Variants in PLOD1 observed in about 807,000 individuals in gnomAD.
PLOD1 encodes lysine hydroxylase.
In PLOD1, 70 loss-of-function variants were observed where a neutral mutation model predicts 94.7. The ratio of observed to expected loss-of-function variants is 0.74; its 90% CI spans 0.61 to 0.90. PLOD1 has a LOEUF of 0.90. Ranked by LOEUF, PLOD1 falls within the 40% of genes least tolerant of loss-of-function variation. The pLI is 0.00. For missense variants in PLOD1, 905 were observed against 972.7 expected (o/e 0.93, Z 0.93); for synonymous variants, 417 against 400.2 (o/e 1.04, Z -0.50).
At position 11,949,868 on chromosome 1, in the gene PLOD1, C is replaced by T. The variant is rs1195340585; in HGVS notation, c.264C>T (p.His88=). Residue 88 remains histidine (H), a synonymous_variant, in exon 3 of 19, where the codon CAC becomes CAT. Transcript: ENST00000196061. Reference sequence around the variant, plus strand: ...TGCTGAAGAAAGCTCTGGAGAAGCACGCAGACAAGGAGGATCTGGTCATTC... The same window carrying T: ...TGCTGAAGAAAGCTCTGGAGAAGCATGCAGACAAGGAGGATCTGGTCATTC... The part of the protein sequence containing the change: ...VRLLKKALEK[H]ADKEDLVILF... The T allele has an allele frequency of 1.1e-5, 18 of 1,613,926 alleles. No homozygotes were observed. Among genetic ancestry groups the T allele is most frequent in the South Asian group, 4.4e-5 (4 of 91,078 alleles).
At chr1:11,968,341 C>A (rs1437633415) in intron 16 of PLOD1, among the ~76,000 whole-genome samples, 2 of 152,036 alleles carry the variant, frequency 1.3e-5, no homozygotes, top group East Asian at 3.9e-4. Context: ...AGAGCACAAT[C>A]TTGAATAAAA....
At chr1:11,954,392 AG>A in intron 5 of PLOD1, 1 of 403,160 alleles carries the variant, frequency 2.5e-6, no homozygotes, top group Non-Finnish European at 5.1e-6. Context: ...AGTCTGAGGC[AG>A]GAGAATCGCT....
rs937532806 is a variant in PLOD1 at position 11,975,335 on chromosome 1, C to T, written c.*527C>T. ...TCCATGGCTGGTCATGAGAGCAAAC[C>T]GTAGTCCCCTGGAGACAGCGACTCC... On this transcript the variant is annotated 3_prime_UTR_variant, in exon 19 of 19. Coordinates refer to ENST00000196061, the MANE Select transcript of PLOD1 (RefSeq NM_000302.4). 1 of 228,302 alleles carries T rather than the reference C, an allele frequency of 4.4e-6. No individual in the cohort carries two copies. The highest frequency in any genetic ancestry group is 2.3e-5 in the African/African-American group (1 of 44,180). 14.1% of individuals were successfully genotyped at this position (228,302 alleles called of 1,614,324 possible).
Position 11,934,832 on chromosome 1 carries a change from C to G in PLOD1, c.53C>G (p.Ala18Gly). The change falls in exon 1 of 19, where the codon GCG becomes GGG. Residue 18 changes from alanine to glycine, a missense_variant. By Grantham distance (60) the Ala-to-Gly change is moderately conservative. Transcript: ENST00000196061. ...CTGGGCTGGCTGCTGCTGGCCGAAG[C>G]GAAGGGCGACGCCAAGCCGGAGGGT... ...ALLGWLLLAE[A>G]KGDAKPEDNL... 1 of 1,539,972 alleles carries G rather than the reference C, an allele frequency of 6.5e-7. No homozygotes were observed. Among genetic ancestry groups the G allele is most frequent in the South Asian group, 1.2e-5 (1 of 83,578 alleles).
rs772498138 is a variant in PLOD1 at position 11,974,675 on chromosome 1, G to A, written c.2051G>A (p.Arg684His). ...DYEGGGCRFL[R>H]YNCSIRAPRK... Reference sequence around the variant, plus strand: ...CAGGGCGGGGGCTGTCGGTTCCTGCGCTACAACTGTTCCATCCGAGCCCCA... The same window carrying A: ...CAGGGCGGGGGCTGTCGGTTCCTGCACTACAACTGTTCCATCCGAGCCCCA... The change falls in exon 19 of 19, where the codon CGC (arginine) becomes CAC (histidine). Residue 684 changes from arginine (R) to histidine (H), a missense_variant. Coordinates refer to ENST00000196061, the MANE Select transcript of PLOD1 (RefSeq NM_000302.4). 37 of 1,613,802 alleles carry A rather than the reference G, an allele frequency of 2.3e-5. No individual in the cohort carries two copies. Among genetic ancestry groups the A allele is most frequent in the Non-Finnish European group, 2.8e-5 (33 of 1,179,852 alleles).
Position 11,957,465 on chromosome 1 carries a change from C to T in PLOD1, c.742-377C>T, listed in dbSNP as rs2100751045. Among the ~76,000 whole-genome samples the T allele has an allele frequency of 6.6e-6, 1 of 152,304 alleles. No homozygotes were observed. Among genetic ancestry groups the T allele is most frequent in the East Asian group, 1.9e-4 (1 of 5,190 alleles). ...ACCTCACTGGTCCCTGGGGAACTGGCTCATAGCTCATAGCATATTTGAGTG... is the reference window on the plus strand; with the variant it reads ...ACCTCACTGGTCCCTGGGGAACTGGTTCATAGCTCATAGCATATTTGAGTG... On this transcript the variant is annotated intron_variant, in intron 7 of 18. Transcript: ENST00000196061. This position sits in a 1 kb window ranked among gnomAD's most constrained non-coding sequence, Gnocchi z 4.1.
At chr1:11,940,436 C>T (rs1010005403) in intron 1 of PLOD1, among the ~76,000 whole-genome samples, 1 of 152,200 alleles carries the variant, frequency 6.6e-6, no homozygotes, top group Admixed American at 6.5e-5. Flanking sequence ...AACCCCCCCG[C>T]AGCTACCAAG....
In PLOD1 at chr1:11,974,905, C is replaced by T. The variant is rs1260757167; in HGVS notation, c.*97C>T. On this transcript the variant is annotated 3_prime_UTR_variant, in exon 19 of 19. Transcript: ENST00000196061. The stretch of plus-strand genomic sequence containing the variant: ...GGGGTCCCAGGGAACCCAGTCCAGC[C>T]TCCTGGCTGTTGACTTCCCATTGCT... 8.3e-7 allele frequency: 1 copy of T among 1,200,122 alleles called. No homozygotes were observed. Among genetic ancestry groups the T allele is most frequent in the Non-Finnish European group, 1.2e-6 (1 of 803,118 alleles). The allele number at this position is 1,200,122 out of a possible 1,614,324, so 74.3% of individuals were successfully genotyped here. A position where few individuals can be genotyped will look rare whatever the true frequency, so the allele number is the denominator to read the frequency against.
intron 4 of PLOD1, 38 bp from the exon 5 acceptor site, chr1:11,952,585 A>C: frequency 6.8e-7 from 1 of 1,469,176 alleles, no homozygotes; most frequent in Non-Finnish European, 9.5e-7. Context: ...GCTGGAAGCT[A>C]AGGGTCCGTC....
rs367947245 is a variant in PLOD1 at position 11,935,169 on chromosome 1, A to G, written c.76+314A>G. ...GCTCACTATGGGCCAGGCATCAGTT[A>G]GGCATGATTGCTACCCTGGTAAGTG... On this transcript the variant is annotated intron_variant, in intron 1 of 18. Coordinates refer to ENST00000196061, the MANE Select transcript of PLOD1 (RefSeq NM_000302.4). Among the ~76,000 whole-genome samples, 13 of 152,334 alleles carry G rather than the reference A, an allele frequency of 8.5e-5. 1 individual carries two copies. Among genetic ancestry groups the G allele is most frequent in the East Asian group, 5.8e-4 (3 of 5,188 alleles).
chr1:11,953,016 G>T (rs1370802826), intron 5 of PLOD1, among the ~76,000 whole-genome samples: 1 of 152,132 alleles, frequency 6.6e-6, no homozygotes, highest in East Asian at 1.9e-4. Context: ...GGTGGAAGGG[G>T]GTAGGGAGCT....
intron 17 of PLOD1, 37 bp downstream of exon 17, chr1:11,970,853 A>G (rs779125416): frequency 8.0e-7 from 1 of 1,252,174 alleles, no homozygotes; most frequent in Non-Finnish European, 1.1e-6. Flanking sequence ...ATGCGGGGAC[A>G]GTTGGGTGGG....
intron 1 of PLOD1, among the ~76,000 whole-genome samples, chr1:11,941,516 T>C (rs1645615289): frequency 6.6e-6 from 1 of 150,850 alleles, no homozygotes; most frequent in Admixed American, 6.6e-5. Flanking sequence ...GTTTCACTTT[T>C]GTTGCCCAGG....
chr1:11,936,783 A>T (rs902082172), intron 1 of PLOD1, among the ~76,000 whole-genome samples: 1 of 151,728 alleles, frequency 6.6e-6, no homozygotes, highest in Non-Finnish European at 1.5e-5. Flanking sequence ...TCGGCCTCCC[A>T]AAGTGCTGGG....
chr1:11,937,223 G>A (rs367663029), intron 1 of PLOD1, among the ~76,000 whole-genome samples: 5 of 152,210 alleles, frequency 3.3e-5, no homozygotes, highest in Admixed American at 1.3e-4. Flanking sequence ...TGGTAAAGCC[G>A]GCGGTGCTTG....
chr1:11,959,596 T>C lies in PLOD1; in HGVS notation c.975+949T>C, dbSNP rs541507637. Reference sequence around the variant, plus strand: ...TAACTGAGACTACAGGCATGCGCCATCACAACTGGCTAATTTTTTGTATTT... The same window carrying C: ...TAACTGAGACTACAGGCATGCGCCACCACAACTGGCTAATTTTTTGTATTT... On this transcript the variant is annotated intron_variant, in intron 9 of 18. Transcript: ENST00000196061. Among the ~76,000 whole-genome samples, 266 of 148,568 alleles carry C rather than the reference T, an allele frequency of 1.8e-3. 2 individuals carry two copies. The highest frequency in any genetic ancestry group is 6.6e-3 in the African/African-American group (258 of 39,084).
At chr1:11,952,189 C>G (rs1645707845) in intron 4 of PLOD1, among the ~76,000 whole-genome samples, 2 of 152,240 alleles carry the variant, frequency 1.3e-5, no homozygotes. Flanking sequence ...GGCTTCCCCA[C>G]TATGCCAGGT....
chr1:11,953,166 G>A (rs77073300), intron 5 of PLOD1, among the ~76,000 whole-genome samples: 10,440 of 151,956 alleles, frequency 0.069, 428 homozygotes, highest in East Asian at 0.12. Flanking sequence ...AGCGATTCTC[G>A]AGCCTCAGCG....
At chr1:11,936,783 A>C (rs902082172) in intron 1 of PLOD1, among the ~76,000 whole-genome samples, 1 of 151,814 alleles carries the variant, frequency 6.6e-6, no homozygotes, top group South Asian at 2.1e-4. Flanking sequence ...TCGGCCTCCC[A>C]AAGTGCTGGG....
Sources: gnomAD v4.1 joint callset for allele counts (sites outside exome capture counted in the v4.1 genomes callset) on GRCh38, gnomAD v4.1.1 for gene constraint, Gnocchi (gnomAD v3.1) non-coding constraint, MANE v1.5 for transcripts, NCBI Gene and HGNC (gene_info 2026-07-23, HGNC 2026-07-21) for gene names.